The following VPS39 variants were observed in gnomAD, a reference collection of about 807,000 sequenced individuals.
VPS39 encodes VPS39 subunit of HOPS complex, also known as vam6/Vps39-like protein.
Under a neutral mutation model 121.0 loss-of-function variants are expected in VPS39, and 70 were observed. That is an observed-to-expected ratio of 0.58 (90% CI 0.48 to 0.71). VPS39 has a LOEUF of 0.71. Among genes scored for constraint, VPS39 ranks in the 30% least tolerant of loss-of-function variants. The pLI, the probability that VPS39 is intolerant of heterozygous loss-of-function variation, is 0.00. For synonymous variants in VPS39, 378 were observed against 398.1 expected (o/e 0.95, Z 0.60); for missense variants, 818 against 1,051.5 (o/e 0.78, Z 3.07).
At chr15:42,166,121 T>C (rs750728622) in intron 16 of VPS39, 38 bp downstream of exon 16, 1 of 1,586,900 alleles carries the variant, frequency 6.3e-7, no homozygotes, top group East Asian at 2.2e-5. Flanking sequence ...CAGAACCAAG[T>C]GTTTACCAGA....
At chr15:42,189,404 G>C (rs1055237724) in intron 4 of VPS39, among the ~76,000 whole-genome samples, 196 bp from the exon 5 acceptor site, 2 of 152,086 alleles carry the variant, frequency 1.3e-5, no homozygotes, top group Admixed American at 1.3e-4. Flanking sequence ...AGGTCACTTG[G>C]TCTTCTAAAC....
chr15:42,187,439 C>G, intron 6 of VPS39, 76 bp from the exon 7 acceptor site: 1 of 1,359,058 alleles, frequency 7.4e-7, no homozygotes, highest in Non-Finnish European at 1.0e-6. Context: ...TATTCTGCAA[C>G]CTCCATTCTG....
intron 2 of VPS39, among the ~76,000 whole-genome samples, chr15:42,192,936 T>C (rs1310395031): frequency 1.3e-5 from 2 of 152,040 alleles, no homozygotes; most frequent in Non-Finnish European, 2.9e-5. Context: ...TGTGCCACCA[T>C]GCCCGGCTAA....
intron 10 of VPS39, among the ~76,000 whole-genome samples, chr15:42,176,939 G>A (rs150326049): frequency 0.013 from 2,050 of 152,068 alleles, 25 homozygotes; most frequent in Middle Eastern, 0.041. Context: ...GAGACAGGAG[G>A]ATCACTTGAG....
chr15:42,204,663 GAAATA>G (rs201532379), intron 1 of VPS39, among the ~76,000 whole-genome samples: 1 of 151,878 alleles, frequency 6.6e-6, no homozygotes. Flanking sequence ...AAATAATAAT[GAAATA>G]AAATAAAATA....
chr15:42,197,475 C>A (rs1214177244), intron 2 of VPS39, among the ~76,000 whole-genome samples: 1 of 151,740 alleles, frequency 6.6e-6, no homozygotes, highest in Non-Finnish European at 1.5e-5. Flanking sequence ...ATGGCTTGAA[C>A]CCAGGAGGTT....
chr15:42,184,456 C>A, intron 8 of VPS39, 61 bp downstream of exon 8: 1 of 1,514,432 alleles, frequency 6.6e-7, no homozygotes, highest in South Asian at 1.3e-5. Context: ...GGACTCCGTT[C>A]TGCAGGAATG....
chr15:42,196,211 A>G (rs2049935186), intron 2 of VPS39, among the ~76,000 whole-genome samples: 1 of 152,150 alleles, frequency 6.6e-6, no homozygotes, highest in African/African-American at 2.4e-5. Flanking sequence ...CTAAAACCAT[A>G]AAAACCCTAG....
In VPS39 at chr15:42,159,354, C is replaced by T. The variant is rs1425297390; in HGVS notation, c.*1400G>A. The T allele has an allele frequency of 2.0e-5, 3 of 152,300 alleles. No individual in the cohort carries two copies. The highest frequency in any genetic ancestry group is 2.9e-5 in the Non-Finnish European group (2 of 68,136). The allele number at this position is 152,300 out of a possible 1,614,324, so 9.4% of individuals were successfully genotyped here. On this transcript the variant is annotated 3_prime_UTR_variant, in exon 25 of 25. Coordinates refer to ENST00000318006, the MANE Select transcript of VPS39 (RefSeq NM_015289.5). ...CCACTAAAACTGTTGGTGCTGGGCACCATCACCCACCCTCACCACCATCAA... is the reference window on the plus strand; with the variant it reads ...CCACTAAAACTGTTGGTGCTGGGCATCATCACCCACCCTCACCACCATCAA...
chr15:42,175,128 G>A (rs534654650), intron 10 of VPS39, among the ~76,000 whole-genome samples: 8 of 152,210 alleles, frequency 5.3e-5, no homozygotes, highest in East Asian at 1.9e-4. Flanking sequence ...AAAAACATCC[G>A]ATGGGCCGGG....
At chr15:42,185,760 G>C (rs1047391359) in intron 7 of VPS39, among the ~76,000 whole-genome samples, 1 of 152,174 alleles carries the variant, frequency 6.6e-6, no homozygotes, top group Non-Finnish European at 1.5e-5. Flanking sequence ...TTCAATATGA[G>C]GGAATTTTGG....
intron 11 of VPS39, among the ~76,000 whole-genome samples, chr15:42,172,901 A>G (rs1352192890): frequency 2.0e-5 from 3 of 152,190 alleles, no homozygotes; most frequent in Non-Finnish European, 4.4e-5. Context: ...ATCTTGACTG[A>G]TACAGGGAAT....
Position 42,184,437 on chromosome 15 carries a change from C to T in VPS39, c.718+80G>A. ...CACAACGTAAACCAGTCTGCTAAAG[C>T]TACGAATGGGACTCCGTTCTGCAGG... On this transcript the variant is annotated intron_variant, in intron 8 of 24. Coordinates refer to ENST00000318006, the MANE Select transcript of VPS39 (RefSeq NM_015289.5). 5 of 1,441,736 alleles carry T rather than the reference C, an allele frequency of 3.5e-6. No homozygotes were observed. The South Asian group carries it at 7.3e-5, about 21-fold the overall frequency. 89.3% of individuals were successfully genotyped at this position (1,441,736 alleles called of 1,614,324 possible).
At chr15:42,161,402 G>T in intron 24 of VPS39, 1 of 503,714 alleles carries the variant, frequency 2.0e-6, no homozygotes, top group Non-Finnish European at 3.6e-6. Context: ...ACATCTCTTG[G>T]GCACCCACTA....
rs749486230 is a variant in VPS39, at chr15:42,162,050, G to C, written c.2442C>G (p.Leu814=). Residue 814 remains leucine, a synonymous_variant, in exon 23 of 25, where the codon CTC becomes CTG. Coordinates refer to ENST00000318006, the MANE Select transcript of VPS39 (RefSeq NM_015289.5). ...KRFNQVLKNL[L]HAEFLRVQEE... ...TACCTACCCTCAGGAATTCTGCATG[G>C]AGAAGGTTCTTGAGCACTTGATTGA... The C allele has an allele frequency of 6.2e-7, 1 of 1,614,224 alleles. No homozygotes were observed. The highest frequency in any genetic ancestry group is 8.5e-7 in the Non-Finnish European group (1 of 1,180,042).
intron 4 of VPS39, among the ~76,000 whole-genome samples, chr15:42,189,726 C>T (rs1374052020): frequency 5.1e-5 from 1 of 19,718 alleles, no homozygotes; most frequent in Non-Finnish European, 2.0e-4. Context: ...GAGACTCCGT[C>T]TCAAAAAAAA....
Position 42,184,634 on chromosome 15 carries a change from G to A in VPS39, c.601C>T (p.Pro201Ser). 1 of 1,614,168 alleles carries A rather than the reference G, an allele frequency of 6.2e-7. No individual in the cohort carries two copies. Among genetic ancestry groups the A allele is most frequent in the Middle Eastern group, 1.6e-4 (1 of 6,062 alleles). The change falls in exon 8 of 25, where the codon CCT (proline) becomes TCT (serine). Residue 201 changes from proline to serine, a missense_variant. By Grantham distance (74) the Pro-to-Ser change is moderately conservative. Coordinates refer to ENST00000318006, the MANE Select transcript of VPS39 (RefSeq NM_015289.5). ...ACAGCCACTTTTCCATCTGCCAGAG[G>A]TGCAACTAAGGGCTCCAGCTGTTTT... ...TGKQLEPLVA[P>S]LADGKVAVGQ...
chr15:42,170,238 TAA>T (rs796502857), intron 11 of VPS39, among the ~76,000 whole-genome samples: 1 of 150,630 alleles, frequency 6.6e-6, no homozygotes, highest in Non-Finnish European at 1.5e-5. Flanking sequence ...GAAACATTAC[TAA>T]AAAAAAAGAC....
chr15:42,200,853 C>T (rs530367698), intron 1 of VPS39, among the ~76,000 whole-genome samples: 3 of 152,250 alleles, frequency 2.0e-5, no homozygotes, highest in South Asian at 4.1e-4. Flanking sequence ...GTCTATATAA[C>T]GGAATATTAG....
Sources: gnomAD v4.1 joint callset for allele counts (sites outside exome capture counted in the v4.1 genomes callset) on GRCh38, gnomAD v4.1.1 for gene constraint, MANE v1.5 for transcripts, NCBI Gene and HGNC (gene_info 2026-07-23, HGNC 2026-07-21) for gene names.